MGAT4A: variants seen among roughly 807,000 people sequenced by gnomAD.
MGAT4A encodes alpha-1,3-mannosyl-glycoprotein 4-beta-N-acetylglucosaminyltransferase A.
Under a neutral mutation model 74.1 loss-of-function variants are expected in MGAT4A, and 33 were observed. The ratio of observed to expected loss-of-function variants is 0.45; its 90% CI spans 0.34 to 0.60. The LOEUF (loss-of-function observed/expected upper bound fraction) is 0.60, where lower values mean the gene tolerates loss of function less well. MGAT4A is among the 20% of genes least tolerant of loss of function. The probability of loss-of-function intolerance (pLI) is 0.02; values close to 1 mark genes in which losing one functional copy is unlikely to be tolerated. For synonymous variants in MGAT4A, 198 were observed against 210.4 expected (o/e 0.94, Z 0.51); for missense variants, 479 against 628.3 (o/e 0.76, Z 2.54).
chr2:98,670,094 T>C (rs1701892733), intron 4 of MGAT4A, among the ~76,000 whole-genome samples: 1 of 152,182 alleles, frequency 6.6e-6, no homozygotes, highest in South Asian at 2.1e-4. Context: ...TCTTCTACCA[T>C]TTACAATCCA....
chr2:98,656,486 G>T, intron 6 of MGAT4A, 21 bp from the exon 7 acceptor site: 1 of 1,498,502 alleles, frequency 6.7e-7, no homozygotes, highest in Non-Finnish European at 9.2e-7. Context: ...AAAGTTAGCT[G>T]AGTTACTTAA....
At chr2:98,712,998 C>G (rs1702539157) in intron 2 of MGAT4A, among the ~76,000 whole-genome samples, 1 of 151,860 alleles carries the variant, frequency 6.6e-6, no homozygotes, top group South Asian at 2.1e-4. Context: ...CTCACCTCTA[C>G]TAAAAATACA....
chr2:98,710,993 T>TA (rs57292774), intron 2 of MGAT4A, among the ~76,000 whole-genome samples: 26,185 of 150,344 alleles, frequency 0.17, 2,487 homozygotes, highest in South Asian at 0.24. Flanking sequence ...GAAGTTGGGT[T>TA]AAAAAAAAAT....
intron 2 of MGAT4A, among the ~76,000 whole-genome samples, chr2:98,724,856 A>C (rs941219991): frequency 5.9e-5 from 9 of 152,142 alleles, no homozygotes; most frequent in African/African-American, 1.7e-4. Flanking sequence ...GACTTTTAAT[A>C]GCCAGTCATT....
chr2:98,704,945 G>C (rs958702212), intron 2 of MGAT4A, among the ~76,000 whole-genome samples: 4 of 152,108 alleles, frequency 2.6e-5, no homozygotes, highest in Non-Finnish European at 5.9e-5. Flanking sequence ...GAGTACACCA[G>C]AGGCGCAACT....
intron 2 of MGAT4A, among the ~76,000 whole-genome samples, chr2:98,723,292 G>C (rs914233277): frequency 6.6e-6 from 1 of 152,122 alleles, no homozygotes; most frequent in Non-Finnish European, 1.5e-5. Flanking sequence ...TGCAACTTGC[G>C]CCAGCAGCAT....
chr2:98,644,808 A>AT (rs796241875), intron 9 of MGAT4A, among the ~76,000 whole-genome samples: 68 of 152,034 alleles, frequency 4.5e-4, no homozygotes, highest in African/African-American at 1.6e-3. Flanking sequence ...TAATTTTTGT[A>AT]TTTTTAGTAG....
intron 6 of MGAT4A, among the ~76,000 whole-genome samples, chr2:98,656,886 A>G (rs1306622553): frequency 6.6e-6 from 1 of 152,206 alleles, no homozygotes; most frequent in Non-Finnish European, 1.5e-5. Context: ...TTACATCTTC[A>G]AGAAGCTTTG....
At chr2:98,712,305 C>G (rs934516674) in intron 2 of MGAT4A, among the ~76,000 whole-genome samples, 1 of 152,188 alleles carries the variant, frequency 6.6e-6, no homozygotes, top group African/African-American at 2.4e-5. Flanking sequence ...TGTTTTTACC[C>G]CAGTGCTATC....
At chr2:98,662,923 AC>A (rs1701772302) in intron 5 of MGAT4A, 122 bp downstream of exon 5, 1 of 672,646 alleles carries the variant, frequency 1.5e-6, no homozygotes, top group South Asian at 4.1e-5. Context: ...AGAATATATT[AC>A]CTAAGCTTTA....
Position 98,702,060 on chromosome 2 carries a change from G to C in MGAT4A, c.95-23589C>G, listed in dbSNP as rs930094925. Reference sequence around the variant, plus strand: ...TCAAGAGTCAAAAACAACCTAGTTGGTGCTCTGGAAAGCAAGCAAGACATT... The same window carrying C: ...TCAAGAGTCAAAAACAACCTAGTTGCTGCTCTGGAAAGCAAGCAAGACATT... On this transcript the variant is annotated intron_variant, in intron 2 of 15. Transcript: ENST00000393487. 5.9e-5 allele frequency among the ~76,000 whole-genome samples: 9 copies of C among 152,136 alleles called. No homozygotes were observed. The East Asian group carries it at 1.5e-3, about 26-fold the overall frequency.
At chr2:98,729,269 C>T (rs1045985565) in intron 1 of MGAT4A, among the ~76,000 whole-genome samples, 1 of 151,990 alleles carries the variant, frequency 6.6e-6, no homozygotes. Flanking sequence ...GAAAAATATG[C>T]GTGTTTTACT....
At chr2:98,680,055 T>TTTTTTG (rs1329695457) in intron 2 of MGAT4A, among the ~76,000 whole-genome samples, 5 of 151,504 alleles carry the variant, frequency 3.3e-5, no homozygotes, top group Non-Finnish European at 7.4e-5. Flanking sequence ...TTTTTTTTTT[T>TTTTTTG]TCTGAGACAG....
In MGAT4A at chr2:98,624,871, T is replaced by C; in HGVS notation, c.*695A>G. On this transcript the variant is annotated 3_prime_UTR_variant, in exon 16 of 16. Coordinates refer to ENST00000393487, the MANE Select transcript of MGAT4A (RefSeq NM_012214.3). ...TCTTTAAAATCTTGGCTTTAAGGAA[T>C]GACAAATGTCTTTGAAAATATTTTG... is the stretch of plus-strand genomic sequence containing the variant. 2.0e-6 allele frequency: 2 copies of C among 984,976 alleles called. No homozygotes were observed. Among genetic ancestry groups the C allele is most frequent in the Non-Finnish European group, 2.4e-6 (2 of 829,110 alleles). 61.0% of individuals were successfully genotyped at this position (984,976 alleles called of 1,614,324 possible). A position where few individuals can be genotyped will look rare whatever the true frequency, so the allele number is the denominator to read the frequency against.
chr2:98,705,968 A>AG (rs1702423350), intron 2 of MGAT4A, among the ~76,000 whole-genome samples: 1 of 147,628 alleles, frequency 6.8e-6, no homozygotes, highest in African/African-American at 2.5e-5. Flanking sequence ...AAAAAAAAAA[A>AG]AAAGAAAATC....
chr2:98,705,899 G>A (rs991695993), intron 2 of MGAT4A, among the ~76,000 whole-genome samples: 4 of 141,650 alleles, frequency 2.8e-5, no homozygotes, highest in Admixed American at 7.5e-5. Context: ...CCGAGATTGC[G>A]CCACTGCAGT....
At position 98,656,356 on chromosome 2, in the gene MGAT4A, C is replaced by T. The variant is rs1457436620; in HGVS notation, c.694G>A (p.Val232Ile). The change falls in exon 7 of 16, where the codon GTA becomes ATA. Residue 232 changes from valine (V) to isoleucine (I), a missense_variant. By Grantham distance (29) the Val-to-Ile change is conservative. Transcript: ENST00000393487. ...TTTTAAACGGCACATGCTCACCTTACTCTTTCTTTGGAGTCTCCAAATGTC... is the reference window on the plus strand; with the variant it reads ...TTTTAAACGGCACATGCTCACCTTATTCTTTCTTTGGAGTCTCCAAATGTC... ...KETFGDSKER[V>I]RWRTKQNLDY... The T allele has an allele frequency of 6.3e-7, 1 of 1,580,542 alleles. No homozygotes were observed. The highest frequency in any genetic ancestry group is 1.1e-5 in the South Asian group (1 of 89,798).
At position 98,710,742 on chromosome 2, in the gene MGAT4A, G is replaced by A. The variant is rs151215664; in HGVS notation, c.94+15497C>T. On this transcript the variant is annotated intron_variant, in intron 2 of 15. Coordinates refer to ENST00000393487, the MANE Select transcript of MGAT4A (RefSeq NM_012214.3). Reference sequence around the variant, plus strand: ...CTACCAAAGTGCTGGGATTACAGGCGTGAGCTACTGTGCCCAGTAATTTTT... The same window carrying A: ...CTACCAAAGTGCTGGGATTACAGGCATGAGCTACTGTGCCCAGTAATTTTT... 3.3e-3 allele frequency among the ~76,000 whole-genome samples: 500 copies of A among 152,216 alleles called. 2 individuals are homozygous for A. The highest frequency in any genetic ancestry group is 6.1e-3 in the Admixed American group (94 of 15,298).
intron 1 of MGAT4A, among the ~76,000 whole-genome samples, chr2:98,730,571 A>G (rs10210711): frequency 0.31 from 46,781 of 149,734 alleles, 9,468 homozygotes; most frequent in African/African-American, 0.57. Context: ...CCCCCGCGAA[A>G]GCGCCGACTC....
Sources: allele counts gnomAD v4.1 joint callset (sites outside exome capture counted in the v4.1 genomes callset), GRCh38; gene constraint gnomAD v4.1.1; transcripts MANE v1.5; gene names NCBI Gene and HGNC (gene_info 2026-07-23, HGNC 2026-07-21).